The following EFCAB11 variants were observed in gnomAD, a reference collection of about 807,000 sequenced individuals.
The protein encoded by EFCAB11 is EF-hand calcium-binding domain-containing protein 11.
A neutral mutation model predicts 23.0 loss-of-function variants in EFCAB11; 14 were observed. The observed-to-expected ratio is 0.61, with a 90% CI of 0.40 to 0.95. EFCAB11 has a LOEUF of 0.95. EFCAB11 is among the 40% of genes least tolerant of loss of function. The pLI, the probability that EFCAB11 is intolerant of heterozygous loss-of-function variation, is 0.00. For synonymous variants in EFCAB11, 65 were observed against 66.6 expected, an observed-to-expected ratio of 0.98 and a Z score of 0.11; for missense variants, 198 against 195.8, an observed-to-expected ratio of 1.01 and a Z score of -0.07.
chr14:89,820,923 ATATATT>A (rs1357334722), intron 5 of EFCAB11, among the ~76,000 whole-genome samples: 104 of 151,954 alleles, frequency 6.8e-4, no homozygotes, highest in African/African-American at 2.5e-3. Context: ...ATAATAACAT[ATATATT>A]TATATGTGTA....
chr14:89,872,155 G>A (rs919168418), intron 5 of EFCAB11, among the ~76,000 whole-genome samples: 1 of 152,142 alleles, frequency 6.6e-6, no homozygotes, highest in African/African-American at 2.4e-5. Context: ...TTTCCTTTGT[G>A]TTCTTATGAA....
Position 89,932,647 on chromosome 14 carries a change from C to A in EFCAB11, c.218-20G>T. ...ATATACCTAAAAGTTGGGGAAAAAA[C>A]AATTTGTCAAAGATTATTGTCTTCC... On this transcript the variant is annotated intron_variant, in intron 3 of 5. Transcript: ENST00000316738. 6.3e-7 allele frequency: 1 copy of A among 1,576,998 alleles called. No homozygotes were observed. The highest frequency in any genetic ancestry group is 2.2e-5 in the East Asian group (1 of 44,558).
chr14:89,797,152 A>G lies in EFCAB11; in HGVS notation c.*91T>C, dbSNP rs1885600991. 2 of 1,265,370 alleles carry G rather than the reference A, an allele frequency of 1.6e-6. No individual in the cohort carries two copies. Among genetic ancestry groups the G allele is most frequent in the South Asian group, 2.7e-5 (2 of 74,972 alleles). 78.4% of individuals were successfully genotyped at this position (1,265,370 alleles called of 1,614,324 possible). Reference sequence around the variant, plus strand: ...AAAAATTTTTAAATGTTTAATCACAAGTCTGTAGCATGACATCATTAGTAG... The same window carrying G: ...AAAAATTTTTAAATGTTTAATCACAGGTCTGTAGCATGACATCATTAGTAG... On this transcript the variant is annotated 3_prime_UTR_variant, in exon 6 of 6. Transcript: ENST00000316738.
chr14:89,896,982 C>T (rs1889187698), intron 5 of EFCAB11, among the ~76,000 whole-genome samples: 1 of 152,090 alleles, frequency 6.6e-6, no homozygotes, highest in African/African-American at 2.4e-5. Flanking sequence ...CCGCCTTGGC[C>T]TCTCAAGGTG....
intron 5 of EFCAB11, among the ~76,000 whole-genome samples, chr14:89,798,109 A>C (rs1369137888): frequency 6.6e-6 from 1 of 152,222 alleles, no homozygotes; most frequent in Admixed American, 6.5e-5. Context: ...TAAAGCAAAG[A>C]CTGGCCCAAG....
At chr14:89,924,215 A>G in intron 5 of EFCAB11, 2 of 986,386 alleles carry the variant, frequency 2.0e-6, no homozygotes, top group Non-Finnish European at 2.4e-6. Flanking sequence ...GGAGAGTTAG[A>G]TGTCCTATGT....
chr14:89,890,750 C>T (rs926132720), intron 5 of EFCAB11, among the ~76,000 whole-genome samples: 1 of 152,210 alleles, frequency 6.6e-6, no homozygotes, highest in Admixed American at 6.5e-5. Flanking sequence ...GTTGGCATCC[C>T]AAAGCCACCT....
intron 5 of EFCAB11, among the ~76,000 whole-genome samples, chr14:89,859,338 CAAAT>C (rs1166487795): frequency 1.3e-5 from 2 of 152,184 alleles, no homozygotes; most frequent in African/African-American, 4.8e-5. Flanking sequence ...CTCTTATTCA[CAAAT>C]ATTTCTTGTA....
At chr14:89,836,817 G>A (rs574531622) in intron 5 of EFCAB11, among the ~76,000 whole-genome samples, 20 of 152,228 alleles carry the variant, frequency 1.3e-4, no homozygotes, top group African/African-American at 4.1e-4. Flanking sequence ...CTAGGAGCTC[G>A]AGACCAGCCT....
chr14:89,810,405 G>A (rs1886113607), intron 5 of EFCAB11, among the ~76,000 whole-genome samples: 1 of 152,192 alleles, frequency 6.6e-6, no homozygotes, highest in South Asian at 2.1e-4. Context: ...ATTTTTAATG[G>A]CCATATGCAA....
intron 5 of EFCAB11, among the ~76,000 whole-genome samples, chr14:89,869,307 A>G (rs569337224): frequency 6.6e-6 from 1 of 152,372 alleles, no homozygotes; most frequent in South Asian, 2.1e-4. Context: ...CCATCTTGGT[A>G]TCAGTGATAT....
intron 5 of EFCAB11, among the ~76,000 whole-genome samples, chr14:89,863,305 C>T (rs1446789641): frequency 6.6e-6 from 1 of 152,178 alleles, no homozygotes; most frequent in Non-Finnish European, 1.5e-5. Context: ...CAACTCCTAA[C>T]AATTCTACAG....
chr14:89,875,877 G>C (rs958418361), intron 5 of EFCAB11, among the ~76,000 whole-genome samples: 75 of 152,172 alleles, frequency 4.9e-4, no homozygotes, highest in African/African-American at 1.8e-3. Context: ...AGGGCATGCA[G>C]GCAGAGTGCC....
intron 5 of EFCAB11, 161 bp downstream of exon 5, chr14:89,931,379 GC>G (rs1890383948): frequency 4.5e-6 from 3 of 659,532 alleles, no homozygotes; most frequent in Non-Finnish European, 7.7e-6. Flanking sequence ...AGGACCCATA[GC>G]TAACTATAGA....
intron 5 of EFCAB11, among the ~76,000 whole-genome samples, chr14:89,827,996 G>C (rs1886758263): frequency 6.6e-6 from 1 of 152,104 alleles, no homozygotes; most frequent in Non-Finnish European, 1.5e-5. Flanking sequence ...GCCACTTTTT[G>C]AGACATAAAA....
chr14:89,877,232 G>A (rs556514554), intron 5 of EFCAB11, among the ~76,000 whole-genome samples: 1 of 152,034 alleles, frequency 6.6e-6, no homozygotes. Flanking sequence ...TAGAGACGGG[G>A]TTTCATCATG....
At chr14:89,875,412 A>AT (rs1247493615) in intron 5 of EFCAB11, among the ~76,000 whole-genome samples, 7 of 152,136 alleles carry the variant, frequency 4.6e-5, no homozygotes, top group Non-Finnish European at 8.8e-5. Context: ...GCCAAACCAT[A>AT]TAGCCACACA....
intron 5 of EFCAB11, among the ~76,000 whole-genome samples, chr14:89,901,216 C>G (rs956937374): frequency 1.8e-4 from 27 of 152,140 alleles, no homozygotes; most frequent in South Asian, 2.1e-4. Context: ...ATAAGCAGGA[C>G]TCAAAATCAC....
intron 5 of EFCAB11, among the ~76,000 whole-genome samples, chr14:89,871,773 TC>T (rs1888277992): frequency 6.6e-6 from 1 of 152,174 alleles, no homozygotes; most frequent in East Asian, 1.9e-4. Flanking sequence ...TTACACCTTT[TC>T]CCCCTGACTC....
Sources: allele counts gnomAD v4.1 joint callset (sites outside exome capture counted in the v4.1 genomes callset), GRCh38; gene constraint gnomAD v4.1.1; transcripts MANE v1.5; gene names NCBI Gene and HGNC (gene_info 2026-07-23, HGNC 2026-07-21).